The following SEC16B variants were observed in gnomAD, a reference collection of about 807,000 sequenced individuals.
SEC16B encodes the protein protein transport protein Sec16B.
Under a neutral mutation model 141.8 loss-of-function variants are expected in SEC16B, and 115 were observed. The observed-to-expected ratio is 0.81, with a 90% CI of 0.70 to 0.95. The LOEUF is 0.95. Ranked by LOEUF, SEC16B falls within the 40% of genes least tolerant of loss-of-function variation. The pLI, the probability that SEC16B is intolerant of heterozygous loss-of-function variation, is 0.00. For missense variants in SEC16B, 1,291 were observed against 1,312.3 expected (o/e 0.98, Z 0.25); for synonymous variants, 493 against 492.5 (o/e 1.00, Z -0.01).
At position 177,966,103 on chromosome 1, in the gene SEC16B, A is replaced by G. The variant is rs536413196; in HGVS notation, c.300-98T>C. On this transcript the variant is annotated intron_variant, in intron 2 of 25. Coordinates refer to ENST00000308284, the MANE Select transcript of SEC16B (RefSeq NM_033127.4). ...CAAACTAAACAGGTTCAGAGGACAG[A>G]GTTGTGACCCCAGCCTAGAATCTGC... The G allele has an allele frequency of 2.1e-5, 14 of 657,106 alleles. No individual in the cohort carries two copies. In the African/African-American group the frequency reaches 2.4e-4, roughly 11 times the overall value. 40.7% of individuals were successfully genotyped at this position (657,106 alleles called of 1,614,324 possible).
upstream of SEC16B, among the ~76,000 whole-genome samples, chr1:177,974,239 A>G (rs1654078317): frequency 6.6e-6 from 1 of 152,114 alleles, no homozygotes; most frequent in African/African-American, 2.4e-5. Context: ...AGAGGTGAGT[A>G]TGGTCAATAA....
chr1:177,933,338 G>A (rs1218975832), intron 21 of SEC16B, 26 bp from the exon 22 acceptor site: 14 of 1,577,906 alleles, frequency 8.9e-6, no homozygotes, highest in Non-Finnish European at 1.1e-5. Context: ...GACATTTTAT[G>A]ACCTGCAGGT....
At chr1:177,978,750 A>G (rs1363873807) in intron 1 of SEC16B, among the ~76,000 whole-genome samples, 1 of 147,906 alleles carries the variant, frequency 6.8e-6, no homozygotes, top group African/African-American at 2.5e-5. Flanking sequence ...TAAATAGCAT[A>G]GCAGAAAAGT....
intron 15 of SEC16B, among the ~76,000 whole-genome samples, chr1:177,944,183 G>T: frequency 6.6e-6 from 1 of 152,152 alleles, no homozygotes; most frequent in East Asian, 1.9e-4. Context: ...ACTGGGCTGG[G>T]CCTGCGCTCC....
intron 1 of SEC16B, among the ~76,000 whole-genome samples, chr1:177,983,407 T>C (rs1654500561): frequency 6.6e-6 from 1 of 151,826 alleles, no homozygotes; most frequent in African/African-American, 2.4e-5. Context: ...TCCCCCCACA[T>C]AGAGAGGTGA....
chr1:177,939,139 G>A (rs965771785), intron 18 of SEC16B, among the ~76,000 whole-genome samples: 2 of 152,230 alleles, frequency 1.3e-5, no homozygotes, highest in African/African-American at 2.4e-5. Context: ...GAAGAGACGG[G>A]GGCCCTTTCC....
intron 8 of SEC16B, 35 bp downstream of exon 8, chr1:177,960,307 A>G (rs1326260795): frequency 1.4e-6 from 2 of 1,428,530 alleles, no homozygotes. Flanking sequence ...CTAGGTTTCA[A>G]AAGCCCTTAC....
chr1:177,970,961 C>T (rs966669070), upstream of SEC16B, among the ~76,000 whole-genome samples: 2 of 152,184 alleles, frequency 1.3e-5, no homozygotes, highest in African/African-American at 2.4e-5. Flanking sequence ...AAAACCACCC[C>T]TCTTGGGTCT....
intron 10 of SEC16B, among the ~76,000 whole-genome samples, chr1:177,955,693 G>A (rs978047003): frequency 6.6e-6 from 1 of 152,188 alleles, no homozygotes; most frequent in African/African-American, 2.4e-5. Flanking sequence ...ACACACTGTG[G>A]TGAGAATGTA....
At chr1:177,936,524 G>A (rs758988206) in intron 19 of SEC16B, among the ~76,000 whole-genome samples, 159 bp from the exon 20 acceptor site, 6 of 152,144 alleles carry the variant, frequency 3.9e-5, no homozygotes, top group Admixed American at 1.3e-4. Flanking sequence ...GAATGCTCAC[G>A]TAGCTCATCT....
At chr1:177,930,006 G>T in intron 25 of SEC16B, 77 bp from the exon 26 acceptor site, 1 of 1,425,434 alleles carries the variant, frequency 7.0e-7, no homozygotes, top group Non-Finnish European at 9.7e-7. Flanking sequence ...GACAGATGGA[G>T]CTAGGGCACC....
intron 11 of SEC16B, among the ~76,000 whole-genome samples, chr1:177,952,402 G>A (rs1403924808): frequency 6.6e-6 from 1 of 152,070 alleles, no homozygotes; most frequent in Non-Finnish European, 1.5e-5. Context: ...ACTCCCTGCA[G>A]CCCTCCTCCA....
At chr1:177,965,621 C>A (rs1222126584) in intron 3 of SEC16B, among the ~76,000 whole-genome samples, 1 of 152,106 alleles carries the variant, frequency 6.6e-6, no homozygotes, top group Non-Finnish European at 1.5e-5. Context: ...ATAATCTGGG[C>A]TATAAGGCAA....
chr1:177,980,758 C>T (rs547375229), intron 1 of SEC16B, among the ~76,000 whole-genome samples: 53 of 130,222 alleles, frequency 4.1e-4, no homozygotes, highest in African/African-American at 1.2e-3. Context: ...GGTTTCTCTG[C>T]GAAAAAAAAA....
chr1:177,958,444 G>A (rs933379421), intron 9 of SEC16B, 82 bp from the exon 10 acceptor site: 7 of 1,175,440 alleles, frequency 6.0e-6, no homozygotes, highest in Non-Finnish European at 8.2e-6. Flanking sequence ...AAGGCACCAG[G>A]GAGCCTGCCT....
chr1:177,964,832 T>C (rs933348841), intron 4 of SEC16B, among the ~76,000 whole-genome samples: 2 of 152,176 alleles, frequency 1.3e-5, no homozygotes, highest in Admixed American at 1.3e-4. Context: ...CGCCCAGCTT[T>C]GGGAACAGAC....
intron 1 of SEC16B, among the ~76,000 whole-genome samples, chr1:177,975,714 G>T (rs913258311): frequency 6.6e-6 from 1 of 152,174 alleles, no homozygotes; most frequent in Admixed American, 6.5e-5. Flanking sequence ...GCTCTTTTTA[G>T]TCAGCAAGCA....
intron 9 of SEC16B, 143 bp from the exon 10 acceptor site, chr1:177,958,505 T>G: frequency 1.5e-6 from 1 of 651,684 alleles, no homozygotes; most frequent in Non-Finnish European, 2.5e-6. Context: ...TTTGTTAGAT[T>G]GCTATATTTC....
At chr1:177,943,289 G>A (rs1023254876) in intron 15 of SEC16B, among the ~76,000 whole-genome samples, 2 of 152,216 alleles carry the variant, frequency 1.3e-5, no homozygotes, top group East Asian at 1.9e-4. Flanking sequence ...CCTTAAAAAA[G>A]AGAAGATGCT....
Sources: allele counts gnomAD v4.1 joint callset (sites outside exome capture counted in the v4.1 genomes callset), GRCh38; gene constraint gnomAD v4.1.1; transcripts MANE v1.5; gene names NCBI Gene and HGNC (gene_info 2026-07-23, HGNC 2026-07-21).